Variants in SLCO4C1 observed in about 807,000 individuals in gnomAD.
The protein encoded by SLCO4C1 is organic anion transporter M1.
SLCO4C1 carries 58 observed loss-of-function variants against 72.1 expected under a neutral mutation model. The observed-to-expected ratio is 0.80, with a 90% confidence interval of 0.65 to 1.00. The LOEUF (loss-of-function observed/expected upper bound fraction) is 1.00, where lower values mean the gene tolerates loss of function less well. Among genes scored for constraint, SLCO4C1 ranks in the 50% least tolerant of loss-of-function variants. The pLI is 0.00. For missense variants in SLCO4C1, 898 were observed against 857.9 expected (o/e 1.05, Z -0.58); for synonymous variants, 297 against 312.5 (o/e 0.95, Z 0.52).
At chr5:102,240,501 GCAA>G (rs1386312527) in intron 11 of SLCO4C1, among the ~76,000 whole-genome samples, 1 of 151,968 alleles carries the variant, frequency 6.6e-6, no homozygotes, top group Non-Finnish European at 1.5e-5. Context: ...GATTTTATTA[GCAA>G]CATAGTTGGA....
At chr5:102,246,912 C>A (rs779998187) in intron 10 of SLCO4C1, among the ~76,000 whole-genome samples, 1 of 152,118 alleles carries the variant, frequency 6.6e-6, no homozygotes, top group East Asian at 1.9e-4. Context: ...AGAATGCATG[C>A]CATTCTGATT....
At chr5:102,257,876 A>G (rs1748867054) in intron 7 of SLCO4C1, 67 bp downstream of exon 7, 3 of 1,414,598 alleles carry the variant, frequency 2.1e-6, no homozygotes, top group East Asian at 4.9e-5. Flanking sequence ...CAAATTATAC[A>G]CTATCCTCAT....
intron 10 of SLCO4C1, among the ~76,000 whole-genome samples, chr5:102,244,007 T>G (rs1235471405): frequency 6.6e-6 from 1 of 152,022 alleles, no homozygotes; most frequent in Admixed American, 6.6e-5. Context: ...GCCAACATAG[T>G]GAAACCCTGT....
chr5:102,294,614 C>A (rs1002115186), intron 1 of SLCO4C1, among the ~76,000 whole-genome samples: 3 of 152,176 alleles, frequency 2.0e-5, no homozygotes, highest in African/African-American at 4.8e-5. Context: ...AGATGCTTCA[C>A]AATTACCAAT....
At chr5:102,243,414 C>G (rs1333173130) in intron 10 of SLCO4C1, among the ~76,000 whole-genome samples, 1 of 152,192 alleles carries the variant, frequency 6.6e-6, no homozygotes, top group Non-Finnish European at 1.5e-5. Context: ...GTGCTGGCTT[C>G]AGGTACGACC....
At chr5:102,291,220 G>A in intron 2 of SLCO4C1, 123 bp downstream of exon 2, 1 of 971,736 alleles carries the variant, frequency 1.0e-6, no homozygotes, top group East Asian at 2.4e-5. Flanking sequence ...GAACAAACCA[G>A]TGAGGTGTGG....
In SLCO4C1 at chr5:102,270,798, C is replaced by T. The variant is rs1749138269; in HGVS notation, c.628G>A (p.Val210Ile). 1 of 1,544,076 alleles carries T rather than the reference C, an allele frequency of 6.5e-7. No individual in the cohort carries two copies. The highest frequency in any genetic ancestry group is 8.7e-7 in the Non-Finnish European group (1 of 1,152,018). ...CAACTGGTGCTATTCCTTGTTGTTA[C>T]ACAAGTGTCTTTGTGGAAAAAAAAA... ...KLGSLFEDTC[V>I]TTRNSTSCTS... The change falls in exon 3 of 13, where the codon GTA becomes ATA. Residue 210 changes from valine (V) to isoleucine (I), a missense_variant. Val to Ile is a conservative substitution (Grantham distance 29, BLOSUM62 3). Coordinates refer to ENST00000310954, the MANE Select transcript of SLCO4C1 (RefSeq NM_180991.5).
intron 8 of SLCO4C1, among the ~76,000 whole-genome samples, chr5:102,251,696 G>A (rs763195213): frequency 6.6e-6 from 1 of 152,136 alleles, no homozygotes; most frequent in East Asian, 1.9e-4. Flanking sequence ...ATAAGATTAA[G>A]AGTATCTCCA....
At chr5:102,272,077 G>A (rs1401270850) in intron 2 of SLCO4C1, among the ~76,000 whole-genome samples, 1 of 152,120 alleles carries the variant, frequency 6.6e-6, no homozygotes, top group Admixed American at 6.6e-5. Flanking sequence ...GCCCCAAGTA[G>A]AAAATGTGAA....
chr5:102,260,190 G>T, intron 6 of SLCO4C1, 23 bp downstream of exon 6: 1 of 964,050 alleles, frequency 1.0e-6, no homozygotes, highest in African/African-American at 1.7e-5. Context: ...CTGAGAGAGA[G>T]ACAGAGAAGA....
chr5:102,259,017 A>G (rs1748890005), intron 6 of SLCO4C1, among the ~76,000 whole-genome samples: 1 of 152,100 alleles, frequency 6.6e-6, no homozygotes, highest in South Asian at 2.1e-4. Flanking sequence ...AAATGAAAAA[A>G]CTTACCAACA....
chr5:102,260,248 C>G lies in SLCO4C1; in HGVS notation c.1093G>C (p.Gly365Arg). ...QSNSNADVKFGKSIKDFPAAL... is the reference protein window; with the variant it reads ...QSNSNADVKFRKSIKDFPAAL... ...GCTGGAAAATCTTTAATACTTTTTC[C>G]AAATTTCACATCTGCATTACTATTA... Residue 365 changes from glycine (G) to arginine (R), a missense_variant, in exon 6 of 13, where the codon GGA (glycine) becomes CGA (arginine). Physicochemically the swap from Gly to Arg is moderately radical, Grantham distance 125. Transcript: ENST00000310954. 2 of 1,399,890 alleles carry G rather than the reference C, an allele frequency of 1.4e-6. No individual in the cohort carries two copies. Among genetic ancestry groups the G allele is most frequent in the Admixed American group, 2.3e-5 (1 of 43,170 alleles). 86.7% of individuals were successfully genotyped at this position (1,399,890 alleles called of 1,614,324 possible). A position where few individuals can be genotyped will look rare whatever the true frequency, so the allele number is the denominator to read the frequency against.
chr5:102,282,213 T>C (rs968750792), intron 2 of SLCO4C1, among the ~76,000 whole-genome samples: 3 of 152,088 alleles, frequency 2.0e-5, no homozygotes, highest in African/African-American at 7.2e-5. Context: ...GAAATGTTCA[T>C]CATGAGTTAA....
chr5:102,257,310 C>T lies in SLCO4C1; in HGVS notation c.1274G>A (p.Gly425Glu). ...LTSSFAATLG[G>E]AVLIPGAALG... ...AGCAGCTCCAGGAATTAAAACAGCC[C>T]CTAATAAGAAAAAAGAATGTAGATT... Residue 425 changes from glycine (G) to glutamate (E), a missense_variant and splice_region_variant, in exon 8 of 13, where the codon GGG becomes GAG. By Grantham distance (98) the Gly-to-Glu change is moderately conservative. Coordinates refer to ENST00000310954, the MANE Select transcript of SLCO4C1 (RefSeq NM_180991.5). 1 of 1,577,292 alleles carries T rather than the reference C, an allele frequency of 6.3e-7. No individual in the cohort carries two copies. The highest frequency in any genetic ancestry group is 8.6e-7 in the Non-Finnish European group (1 of 1,166,822).
At chr5:102,271,611 T>A (rs989138746) in intron 2 of SLCO4C1, among the ~76,000 whole-genome samples, 60 of 151,510 alleles carry the variant, frequency 4.0e-4, no homozygotes, top group Admixed American at 1.4e-3. Flanking sequence ...TGGTTAAAAA[T>A]ATATATATAT....
At chr5:102,294,848 G>A (rs1749618950) in intron 1 of SLCO4C1, among the ~76,000 whole-genome samples, 1 of 152,170 alleles carries the variant, frequency 6.6e-6, no homozygotes, top group Admixed American at 6.5e-5. Context: ...CTTTGACTTA[G>A]TTTTCTATTA....
At chr5:102,294,145 T>C (rs1050068389) in intron 1 of SLCO4C1, among the ~76,000 whole-genome samples, 1 of 151,884 alleles carries the variant, frequency 6.6e-6, no homozygotes, top group African/African-American at 2.4e-5. Flanking sequence ...CTGACCTCAG[T>C]TGATCTGCCT....
At position 102,236,692 on chromosome 5, in the gene SLCO4C1, G is replaced by C; in HGVS notation, c.*166C>G. On this transcript the variant is annotated 3_prime_UTR_variant, in exon 13 of 13. Transcript: ENST00000310954. ...CTTTGAAGGCACAGGTCTGTTTCTT[G>C]CATAAAACAAAAACTACATAAGTAA... 1.4e-6 allele frequency: 1 copy of C among 697,306 alleles called. No individual in the cohort carries two copies. Among genetic ancestry groups the C allele is most frequent in the Non-Finnish European group, 2.2e-6 (1 of 449,478 alleles). 43.2% of individuals were successfully genotyped at this position (697,306 alleles called of 1,614,324 possible).
At chr5:102,245,174 T>G (rs182062921) in intron 10 of SLCO4C1, among the ~76,000 whole-genome samples, 125 of 152,106 alleles carry the variant, frequency 8.2e-4, no homozygotes, top group Admixed American at 5.0e-3. Context: ...TTTTTATTAG[T>G]TTTCTTTTTA....
Sources: gnomAD v4.1 joint callset for allele counts (sites outside exome capture counted in the v4.1 genomes callset) on GRCh38, gnomAD v4.1.1 for gene constraint, MANE v1.5 for transcripts, NCBI Gene and HGNC (gene_info 2026-07-23, HGNC 2026-07-21) for gene names.